Variants in COL5A2 observed in about 807,000 individuals in gnomAD.
COL5A2 encodes the protein collagen type V alpha 2 chain.
A neutral mutation model predicts 208.2 loss-of-function variants in COL5A2; 23 were observed. The ratio of observed to expected loss-of-function variants is 0.11; its 90% confidence interval spans 0.08 to 0.16. COL5A2 has a LOEUF of 0.16. Among genes scored for constraint, COL5A2 ranks in the 10% least tolerant of loss-of-function variants. COL5A2 has a pLI of 1.00. For synonymous variants in COL5A2, 625 were observed against 628.5 expected (o/e 0.99, Z 0.08); for missense variants, 1,590 against 1,956.4 (o/e 0.81, Z 3.53).
the COL5A2 span, among the ~76,000 whole-genome samples, chr2:189,390,406 C>T: frequency 6.6e-6 from 1 of 152,022 alleles, no homozygotes; most frequent in African/African-American, 2.4e-5. Flanking sequence ...ATGTCTTTAT[C>T]AAAAGAGTAA....
intron 6 of COL5A2, among the ~76,000 whole-genome samples, chr2:189,093,156 C>T (rs550478609): frequency 1.2e-4 from 19 of 152,266 alleles, no homozygotes; most frequent in African/African-American, 4.3e-4. Flanking sequence ...TCCTAACCCA[C>T]ATTCTGAAGG....
intron 1 of COL5A2, among the ~76,000 whole-genome samples, chr2:189,206,036 G>A (rs997028014): frequency 1.3e-5 from 2 of 152,100 alleles, no homozygotes; most frequent in African/African-American, 4.8e-5. Context: ...TGATTACTAG[G>A]TGTGTATATC....
chr2:189,360,199 T>C, the COL5A2 span, among the ~76,000 whole-genome samples: 1 of 152,170 alleles, frequency 6.6e-6, no homozygotes, highest in South Asian at 2.1e-4. Context: ...AGAACTCCTG[T>C]CTTAAGGATA....
At chr2:189,036,896 C>T in intron 51 of COL5A2, 93 bp from the exon 52 acceptor site, 5 of 1,003,762 alleles carry the variant, frequency 5.0e-6, no homozygotes, top group Non-Finnish European at 7.6e-6. Context: ...TGAAAATATA[C>T]ACTCACTGAT....
the COL5A2 span, among the ~76,000 whole-genome samples, chr2:189,397,634 T>A: frequency 6.6e-6 from 1 of 152,148 alleles, no homozygotes; most frequent in Non-Finnish European, 1.5e-5. Context: ...ATCGTTTTAA[T>A]GTCTGTACAA....
intron 2 of COL5A2, among the ~76,000 whole-genome samples, chr2:189,109,136 TGAA>T (rs1687210485): frequency 6.6e-6 from 1 of 152,128 alleles, no homozygotes; most frequent in African/African-American, 2.4e-5. Flanking sequence ...ACCAACTATT[TGAA>T]GGAGACTGTA....
chr2:189,136,338 A>C (rs888174953), intron 1 of COL5A2, among the ~76,000 whole-genome samples: 1 of 151,040 alleles, frequency 6.6e-6, no homozygotes, highest in East Asian at 1.9e-4. Flanking sequence ...CATGTATATA[A>C]ATACATATTT....
chr2:189,123,630 G>T (rs1687553453), intron 1 of COL5A2, among the ~76,000 whole-genome samples: 1 of 152,142 alleles, frequency 6.6e-6, no homozygotes, highest in Non-Finnish European at 1.5e-5. Context: ...GACATCGAAT[G>T]AAATAAAAGT....
chr2:189,422,756 G>A, the COL5A2 span, among the ~76,000 whole-genome samples: 1 of 152,258 alleles, frequency 6.6e-6, no homozygotes, highest in South Asian at 2.1e-4. Context: ...CAGGCGTGGT[G>A]GCTCACACCT....
chr2:189,051,934 G>A (rs1280345815), intron 41 of COL5A2, among the ~76,000 whole-genome samples: 2 of 151,930 alleles, frequency 1.3e-5, no homozygotes, highest in Admixed American at 6.6e-5. Flanking sequence ...TATTTAAACG[G>A]AATAATAATA....
intron 5 of COL5A2, among the ~76,000 whole-genome samples, chr2:189,098,420 T>C (rs1183520555): frequency 1.3e-5 from 2 of 152,236 alleles, no homozygotes; most frequent in African/African-American, 4.8e-5. Context: ...CACACAAGTA[T>C]GCCCTAATTT....
chr2:189,231,663 G>A, the COL5A2 span, among the ~76,000 whole-genome samples: 2 of 151,630 alleles, frequency 1.3e-5, no homozygotes, highest in Admixed American at 6.6e-5. Context: ...GACATATGTA[G>A]ATATATATAG....
chr2:189,265,868 G>A, the COL5A2 span, among the ~76,000 whole-genome samples: 10 of 152,192 alleles, frequency 6.6e-5, no homozygotes, highest in Non-Finnish European at 1.5e-4. Flanking sequence ...TACACTGCTA[G>A]AAGGAATGTA....
chr2:189,304,598 A>G, the COL5A2 span, among the ~76,000 whole-genome samples: 2 of 152,158 alleles, frequency 1.3e-5, no homozygotes, highest in Admixed American at 6.5e-5. Context: ...AGATCTCATG[A>G]GAACTCACTC....
intron 1 of COL5A2, among the ~76,000 whole-genome samples, chr2:189,193,320 A>G (rs1359078840): frequency 6.6e-6 from 1 of 152,234 alleles, no homozygotes; most frequent in Non-Finnish European, 1.5e-5. Context: ...GGAGGGAAAG[A>G]AAGATAAAGA....
At chr2:189,155,472 T>A (rs1311757811) in intron 1 of COL5A2, among the ~76,000 whole-genome samples, 2 of 152,150 alleles carry the variant, frequency 1.3e-5, no homozygotes, top group Admixed American at 1.3e-4. Context: ...CCAAGACAAG[T>A]TTCTATGATG....
At chr2:189,151,337 T>C (rs1263449914) in intron 1 of COL5A2, among the ~76,000 whole-genome samples, 1 of 152,152 alleles carries the variant, frequency 6.6e-6, no homozygotes, top group Admixed American at 6.5e-5. Flanking sequence ...TTTAAATTGT[T>C]TATGTTTTAT....
At chr2:189,406,298 T>A in the COL5A2 span, among the ~76,000 whole-genome samples, 1 of 152,224 alleles carries the variant, frequency 6.6e-6, no homozygotes, top group Non-Finnish European at 1.5e-5. Flanking sequence ...TACTATTTTA[T>A]ATTTTTGGTA....
At chr2:189,103,206 T>C (rs997768187) in intron 3 of COL5A2, among the ~76,000 whole-genome samples, 1 of 152,084 alleles carries the variant, frequency 6.6e-6, no homozygotes, top group Non-Finnish European at 1.5e-5. Flanking sequence ...AAGTTTCAAT[T>C]TATTTTCGTT....
Sources: allele counts gnomAD v4.1 joint callset (sites outside exome capture counted in the v4.1 genomes callset), GRCh38; gene constraint gnomAD v4.1.1; transcripts MANE v1.5; gene names NCBI Gene and HGNC (gene_info 2026-07-23, HGNC 2026-07-21).